USP54: variants seen among roughly 807,000 people sequenced by gnomAD.
USP54 encodes ubiquitin specific peptidase 54.
In USP54, 87 loss-of-function variants were observed where a neutral mutation model predicts 170.5. The observed-to-expected ratio is 0.51, with a 90% CI of 0.43 to 0.61. The LOEUF is 0.61. Among genes scored for constraint, USP54 ranks in the 20% least tolerant of loss-of-function variants. The pLI is 0.00. For missense variants in USP54, 1,786 were observed against 2,047.8 expected, an observed-to-expected ratio of 0.87 and a Z score of 2.47; for synonymous variants, 655 against 742.8, an observed-to-expected ratio of 0.88 and a Z score of 1.92.
Position 73,517,368 on chromosome 10 carries a change from T to G in USP54, c.3058A>C (p.Ile1020Leu). The G allele has an allele frequency of 6.2e-7, 1 of 1,613,298 alleles. No homozygotes were observed. The highest frequency in any genetic ancestry group is 8.5e-7 in the Non-Finnish European group (1 of 1,179,580). Residue 1020 changes from isoleucine (I) to leucine (L), a missense_variant, in exon 20 of 24, where the codon ATT (isoleucine) becomes CTT (leucine). Physicochemically the swap from Ile to Leu is conservative, Grantham distance 5. Coordinates refer to ENST00000687698, the MANE Select transcript of USP54 (RefSeq NM_001391956.1). ...TCTTGGAACAGCTGTTCTTGAGCAATGCCTCTTCCTTCTTGTGGAGGGAGC... is the reference window on the plus strand; with the variant it reads ...TCTTGGAACAGCTGTTCTTGAGCAAGGCCTCTTCCTTCTTGTGGAGGGAGC... Reference protein sequence around the residue: ...SKLPPQEGRGIAQEQLFQEKK... With the variant: ...SKLPPQEGRGLAQEQLFQEKK...
chr10:73,498,636 T>G lies in USP54; in HGVS notation c.5048A>C (p.Gln1683Pro), dbSNP rs2057414655. 1 of 1,532,858 alleles carries G rather than the reference T, an allele frequency of 6.5e-7. No homozygotes were observed. Among genetic ancestry groups the G allele is most frequent in the African/African-American group, 1.4e-5 (1 of 72,050 alleles). 95.0% of individuals were successfully genotyped at this position (1,532,858 alleles called of 1,614,324 possible). ...QIRARVLQHSQW is the reference protein window; with the variant it reads ...QIRARVLQHSPW Reference sequence around the variant, plus strand: ...AAAGGAAAGGAATAACCTTTACCATTGACTGTGCTGCAGGACTCTAGCCCT... The same window carrying G: ...AAAGGAAAGGAATAACCTTTACCATGGACTGTGCTGCAGGACTCTAGCCCT... Residue 1683 changes from glutamine to proline, a missense_variant, in exon 24 of 24, where the codon CAA becomes CCA. Around this residue, in one of 3 missense-constraint regions of USP54, gnomAD observed 1,418 missense variants for 1,569.0 expected, o/e 0.90. Coordinates refer to ENST00000687698, the MANE Select transcript of USP54 (RefSeq NM_001391956.1).
chr10:73,586,798 A>G (rs1272848806), intron 1 of USP54, among the ~76,000 whole-genome samples: 1 of 152,248 alleles, frequency 6.6e-6, no homozygotes, highest in Non-Finnish European at 1.5e-5. Flanking sequence ...TTGTTGATTT[A>G]TGAGCTGGTT....
intron 1 of USP54, among the ~76,000 whole-genome samples, chr10:73,623,406 TCTTA>T (rs917400049): frequency 1.3e-5 from 2 of 151,618 alleles, no homozygotes; most frequent in African/African-American, 4.8e-5. Flanking sequence ...AAAAGAAAAT[TCTTA>T]CTTTGGGAGG....
chr10:73,559,885 G>A (rs775127684), intron 4 of USP54, among the ~76,000 whole-genome samples: 6 of 151,342 alleles, frequency 4.0e-5, no homozygotes, highest in Non-Finnish European at 8.8e-5. Flanking sequence ...GGCCAACATC[G>A]TGAAATCACA....
At position 73,566,155 on chromosome 10, in the gene USP54, G is replaced by A. The variant is rs150884597; in HGVS notation, c.240+5266C>T. ...TGAGGCAGAAGAATCACTTGAACCC[G>A]GGAGGCGGAGGTTGCAGTGAGCTGA... On this transcript the variant is annotated intron_variant, in intron 4 of 23. Transcript: ENST00000687698. Among the ~76,000 whole-genome samples, 651 of 151,906 alleles carry A rather than the reference G, an allele frequency of 4.3e-3. 11 individuals are homozygous for A. Among genetic ancestry groups the A allele is most frequent in the African/African-American group, 0.013 (555 of 41,442 alleles).
chr10:73,524,503 C>T (rs1407582753), intron 16 of USP54, among the ~76,000 whole-genome samples: 1 of 151,912 alleles, frequency 6.6e-6, no homozygotes, highest in African/African-American at 2.4e-5. Flanking sequence ...TCACTTTAAC[C>T]CGGGAGGTGG....
chr10:73,536,173 C>G, intron 11 of USP54, 96 bp downstream of exon 11: 1 of 1,501,954 alleles, frequency 6.7e-7, no homozygotes, highest in African/African-American at 1.4e-5. Context: ...TTTCTCCAAG[C>G]TAGGTTACGA....
chr10:73,618,241 G>A (rs922516717), intron 1 of USP54, among the ~76,000 whole-genome samples: 1 of 149,988 alleles, frequency 6.7e-6, no homozygotes, highest in Non-Finnish European at 1.5e-5. Flanking sequence ...TAAATAAAAT[G>A]AGATCACTTG....
intron 1 of USP54, among the ~76,000 whole-genome samples, chr10:73,580,178 G>A (rs1440226843): frequency 6.6e-6 from 1 of 151,652 alleles, no homozygotes. Context: ...ACAAAAATTA[G>A]CCAATGGCAG....
chr10:73,609,437 T>C (rs566106847), intron 1 of USP54, among the ~76,000 whole-genome samples: 5 of 152,236 alleles, frequency 3.3e-5, no homozygotes, highest in Admixed American at 3.3e-4. Context: ...TGAGGCTGGG[T>C]GCTGTGGCTC....
intron 1 of USP54, among the ~76,000 whole-genome samples, chr10:73,576,920 C>CTGTT (rs970572676): frequency 2.0e-5 from 3 of 152,126 alleles, no homozygotes; most frequent in East Asian, 1.9e-4. Flanking sequence ...TTCTCCTGCC[C>CTGTT]TGTTTGTTTG....
chr10:73,611,427 T>C (rs1239627712), intron 1 of USP54: 1 of 152,124 alleles, frequency 6.6e-6, no homozygotes, highest in Non-Finnish European at 1.5e-5. Flanking sequence ...GGTGGGAGGA[T>C]GGCTTGAGTG....
chr10:73,591,993 T>G (rs971721861), upstream of USP54, among the ~76,000 whole-genome samples: 1 of 152,128 alleles, frequency 6.6e-6, no homozygotes, highest in Non-Finnish European at 1.5e-5. Context: ...TTTAAAATGC[T>G]TGGGATCTAA....
chr10:73,581,049 C>T (rs2076844664), intron 1 of USP54, among the ~76,000 whole-genome samples: 1 of 152,234 alleles, frequency 6.6e-6, no homozygotes, highest in African/African-American at 2.4e-5. Context: ...TCTCAGAACA[C>T]ATCCCTGTTG....
intron 4 of USP54, among the ~76,000 whole-genome samples, chr10:73,560,356 TA>T (rs1482026693): frequency 6.6e-6 from 1 of 151,648 alleles, no homozygotes; most frequent in African/African-American, 2.4e-5. Context: ...AAAGGCCTAC[TA>T]AAAAAAGTGA....
chr10:73,526,326 C>T (rs1477059308), intron 16 of USP54, among the ~76,000 whole-genome samples: 1 of 152,166 alleles, frequency 6.6e-6, no homozygotes, highest in Non-Finnish European at 1.5e-5. Context: ...TGGCTCACTG[C>T]AACCTCCGCC....
chr10:73,504,583 C>T, intron 22 of USP54: 1 of 478,922 alleles, frequency 2.1e-6, no homozygotes, highest in Non-Finnish European at 3.8e-6. Flanking sequence ...TCTCAGATTC[C>T]TCTCAAGGCT....
At chr10:73,534,358 C>T (rs1236160963) in intron 12 of USP54, among the ~76,000 whole-genome samples, 1 of 152,114 alleles carries the variant, frequency 6.6e-6, no homozygotes, top group Non-Finnish European at 1.5e-5. Context: ...AGGTGCCTGC[C>T]ACCATGCCCA....
Position 73,529,868 on chromosome 10 carries a change from G to A in USP54, c.1872C>T (p.Tyr624=), listed in dbSNP as rs747242464. Residue 624 remains tyrosine (Y), a synonymous_variant, in exon 15 of 24, where the codon TAC becomes TAT. Coordinates refer to ENST00000687698, the MANE Select transcript of USP54 (RefSeq NM_001391956.1). ...IPDEPSKPPS[Y]DIKFGGPSPQ... is the part of the protein sequence containing the mutation. ...GGCTTGGTCCACCAAATTTAATGTCGTAAGAAGGTGGCTTGCTTGGTTCAT... is the reference window on the plus strand; with the variant it reads ...GGCTTGGTCCACCAAATTTAATGTCATAAGAAGGTGGCTTGCTTGGTTCAT... 14 of 1,557,298 alleles carry A rather than the reference G, an allele frequency of 9.0e-6. No homozygotes were observed. In the African/African-American group the frequency reaches 9.6e-5, roughly 11 times the overall value.
Sources: gnomAD v4.1 joint callset for allele counts (sites outside exome capture counted in the v4.1 genomes callset) on GRCh38, gnomAD v4.1.1 for gene constraint, gnomAD v4.1.1 regional missense constraint, MANE v1.5 for transcripts, NCBI Gene and HGNC (gene_info 2026-07-23, HGNC 2026-07-21) for gene names.